The following SLC38A10 variants were observed in gnomAD, a reference collection of about 807,000 sequenced individuals.
SLC38A10 encodes solute carrier family 38 member 10.
In SLC38A10, 53 loss-of-function variants were observed where a neutral mutation model predicts 81.0. The observed-to-expected ratio is 0.65, with a 90% CI of 0.53 to 0.82. SLC38A10 has a LOEUF of 0.82. Among genes scored for constraint, SLC38A10 ranks in the 40% least tolerant of loss-of-function variants. The pLI is 0.00. For synonymous variants in SLC38A10, 665 were observed against 655.3 expected (o/e 1.01, Z -0.23); for missense variants, 1,471 against 1,545.0 (o/e 0.95, Z 0.80).
At chr17:81,280,162 T>C (rs1038049376) in intron 6 of SLC38A10, 2 of 454,364 alleles carry the variant, frequency 4.4e-6, no homozygotes, top group Non-Finnish European at 8.9e-6. Flanking sequence ...TACAGAGCCC[T>C]GCGTGCCAGA....
Position 81,283,476 on chromosome 17 carries a change from C to A in SLC38A10, c.290G>T (p.Cys97Phe). The A allele has an allele frequency of 1.2e-6, 2 of 1,611,530 alleles. No individual in the cohort carries two copies. Among genetic ancestry groups the A allele is most frequent in the Non-Finnish European group, 1.7e-6 (2 of 1,178,906 alleles). The change falls in exon 4 of 16, where the codon TGC becomes TTC. Residue 97 changes from cysteine to phenylalanine, a missense_variant. Physicochemically the swap from Cys to Phe is radical, Grantham distance 205. Transcript: ENST00000374759. This position sits in a 1 kb window ranked among gnomAD's most constrained non-coding sequence, Gnocchi z 4.7. ...GCCGATCACGACGTAGAAGGCGATG[C>A]AGGTGCCCAGCATCAGCCCGATCAT... ...TSMIGLMLGT[C>F]IAFYVVIGDL...
intron 10 of SLC38A10, chr17:81,263,953 C>G (rs998988039): frequency 2.0e-5 from 3 of 152,394 alleles, no homozygotes; most frequent in Non-Finnish European, 2.9e-5. Flanking sequence ...ACTGAAGTCC[C>G]CAAGGCAGCT....
intron 2 of SLC38A10, 168 bp from the exon 3 acceptor site, chr17:81,285,063 T>C (rs72850638): frequency 0.044 from 22,128 of 503,314 alleles, 644 homozygotes; most frequent in Non-Finnish European, 0.053. Context: ...TTTTTGGATC[T>C]ACTGTCTGCA....
At position 81,247,028 on chromosome 17, in the gene SLC38A10, A is replaced by G; in HGVS notation, c.2099T>C (p.Val700Ala). The change falls in exon 15 of 16, where the codon GTC becomes GCC. Residue 700 changes from valine to alanine, a missense_variant. By Grantham distance (64) the Val-to-Ala change is moderately conservative. Around this residue, in one of 2 missense-constraint regions of SLC38A10, gnomAD observed 751 missense variants for 717.4 expected, o/e 1.05. Transcript: ENST00000374759. ...AGRAEMLDHA[V>A]LLQVIKEQQV... The stretch of plus-strand genomic sequence containing the variant: ...CTGTTCTTTGATCACCTGAAGCAGG[A>G]CGGCGTGGTCCAGCATCTCCGCCCT... The G allele has an allele frequency of 6.3e-7, 1 of 1,599,422 alleles. No individual in the cohort carries two copies. Among genetic ancestry groups the G allele is most frequent in the Non-Finnish European group, 8.5e-7 (1 of 1,176,504 alleles).
In SLC38A10 at chr17:81,282,334, T is replaced by C. The variant is rs1567945679; in HGVS notation, c.358-2A>G. 1.2e-6 allele frequency: 2 copies of C among 1,607,680 alleles called. No homozygotes were observed. The highest frequency in any genetic ancestry group is 8.5e-7 in the Non-Finnish European group (1 of 1,177,418). ...GAACATGCGGAAGGTGCCGCCCACC[T>C]GCGGGGAGCCGGCAGGGGGTCTTGG... is the stretch of plus-strand genomic sequence containing the variant. On this transcript the variant is annotated splice_acceptor_variant, in intron 4 of 15. Transcript: ENST00000374759. LOFTEE classifies it high-confidence loss of function.
chr17:81,249,869 G>T (rs556542894), intron 14 of SLC38A10, among the ~76,000 whole-genome samples: 2 of 152,294 alleles, frequency 1.3e-5, no homozygotes, highest in South Asian at 2.1e-4. Flanking sequence ...CACGGCATTT[G>T]TAACACAAGG....
At chr17:81,272,335 G>A (rs764968753) in intron 9 of SLC38A10, among the ~76,000 whole-genome samples, 181 bp downstream of exon 9, 1 of 152,092 alleles carries the variant, frequency 6.6e-6, no homozygotes, top group Non-Finnish European at 1.5e-5. Context: ...CCTGGCTCAA[G>A]TTGCCAGATT....
Position 81,284,871 on chromosome 17 carries a change from C to A in SLC38A10, c.242G>T (p.Gly81Val). The change falls in exon 3 of 16, where the codon GGC becomes GTC. Residue 81 changes from glycine to valine, a missense_variant. Transcript: ENST00000374759. ...TTACCTGGTCTCCACCAGCATCTTG[C>A]CTGCCTTCCCGTAGGCGTGGAATGC... Reference protein sequence around the residue: ...GLAFHAYGKAGKMLVETSMIG... With the variant: ...GLAFHAYGKAVKMLVETSMIG... 2 of 1,545,042 alleles carry A rather than the reference C, an allele frequency of 1.3e-6. No individual in the cohort carries two copies. The highest frequency in any genetic ancestry group is 1.7e-6 in the Non-Finnish European group (2 of 1,143,936).
At chr17:81,294,026 G>A (rs930170332) in intron 1 of SLC38A10, among the ~76,000 whole-genome samples, 3 of 151,724 alleles carry the variant, frequency 2.0e-5, no homozygotes, top group Admixed American at 2.0e-4. Flanking sequence ...TTTTGTTTTT[G>A]TTTTTGAGAC....
chr17:81,278,339 G>A (rs931763976), intron 6 of SLC38A10, among the ~76,000 whole-genome samples: 6 of 152,212 alleles, frequency 3.9e-5, no homozygotes, highest in Non-Finnish European at 5.9e-5. Context: ...AGCTGTGATC[G>A]CATCACTGCA....
rs1271695475 is a variant in SLC38A10, at chr17:81,265,969, AG to A, written c.1131+4948del. 6.6e-6 allele frequency among the ~76,000 whole-genome samples: 1 copy of A among 152,234 alleles called. No individual in the cohort carries two copies. Among genetic ancestry groups the A allele is most frequent in the Non-Finnish European group, 1.5e-5 (1 of 68,044 alleles). On this transcript the variant is annotated intron_variant, in intron 10 of 15. Coordinates refer to ENST00000374759, the MANE Select transcript of SLC38A10 (RefSeq NM_001037984.3). This position sits in a 1 kb window ranked among gnomAD's most constrained non-coding sequence, Gnocchi z 4.2. ...TTCAGTGCGCTTTCTAGCTTCCAAA[AG>A]ACATGGCAAAGCAGGCACAGAGAGA...
intron 11 of SLC38A10, among the ~76,000 whole-genome samples, chr17:81,257,896 C>A (rs1017526577): frequency 6.6e-6 from 1 of 152,254 alleles, no homozygotes; most frequent in Non-Finnish European, 1.5e-5. Context: ...ACCGGGAGGA[C>A]AGGGGACCTG....
chr17:81,290,955 C>T (rs1014293427), intron 1 of SLC38A10, among the ~76,000 whole-genome samples: 1 of 151,700 alleles, frequency 6.6e-6, no homozygotes, highest in Non-Finnish European at 1.5e-5. Flanking sequence ...GCAGTTGAGC[C>T]GAGATTGCGC....
intron 6 of SLC38A10, chr17:81,279,948 G>A (rs1290211229): frequency 3.4e-6 from 1 of 297,842 alleles, no homozygotes; most frequent in South Asian, 2.9e-5. Flanking sequence ...ATTAGTTTAC[G>A]ATTGGCTCAA....
At chr17:81,256,171 C>T (rs1425546167) in intron 11 of SLC38A10, among the ~76,000 whole-genome samples, 1 of 152,262 alleles carries the variant, frequency 6.6e-6, no homozygotes, top group Non-Finnish European at 1.5e-5. Context: ...AACTCAGCCA[C>T]GGCGGAGGCG....
intron 1 of SLC38A10, 53 bp downstream of exon 1, chr17:81,294,770 G>T: frequency 2.0e-6 from 3 of 1,466,880 alleles, no homozygotes; most frequent in East Asian, 2.7e-5. Context: ...CCAGCCAGAC[G>T]CCCCCTCTGC....
In SLC38A10 at chr17:81,282,298, G is replaced by T. The variant is rs2063220611; in HGVS notation, c.392C>A (p.Ala131Asp). Reference protein sequence around the residue: ...GGTFRMFLLFAVSLCIVLPLS... With the variant: ...GGTFRMFLLFDVSLCIVLPLS... ...CGGGAGCACGATGCACAGCGACACGGCGAACAGCAGGAACATGCGGAAGGT... is the reference window on the plus strand; with the variant it reads ...CGGGAGCACGATGCACAGCGACACGTCGAACAGCAGGAACATGCGGAAGGT... The change falls in exon 5 of 16, where the codon GCC (alanine) becomes GAC (aspartate). Residue 131 changes from alanine to aspartate, a missense_variant. By Grantham distance (126) the Ala-to-Asp change is moderately radical. This residue lies in a region of SLC38A10 where 720 missense variants were observed against 827.7 expected (regional missense o/e 0.87). Transcript: ENST00000374759. The T allele has an allele frequency of 1.2e-6, 2 of 1,613,100 alleles. No individual in the cohort carries two copies. Among genetic ancestry groups the T allele is most frequent in the South Asian group, 2.2e-5 (2 of 91,082 alleles).
intron 10 of SLC38A10, among the ~76,000 whole-genome samples, chr17:81,269,760 G>A (rs2063098939): frequency 6.6e-6 from 1 of 152,038 alleles, no homozygotes. Context: ...GGAGGCGGGT[G>A]GATCACCTGA....
intron 8 of SLC38A10, 44 bp from the exon 9 acceptor site, chr17:81,272,671 T>C: frequency 1.5e-6 from 2 of 1,360,214 alleles, no homozygotes; most frequent in Non-Finnish European, 2.0e-6. Flanking sequence ...ACTGATTTCC[T>C]CCACCACTCT....
Sources: gnomAD v4.1 joint callset for allele counts (sites outside exome capture counted in the v4.1 genomes callset) on GRCh38, gnomAD v4.1.1 for gene constraint, gnomAD v4.1.1 regional missense constraint, Gnocchi (gnomAD v3.1) non-coding constraint, MANE v1.5 for transcripts, NCBI Gene and HGNC (gene_info 2026-07-23, HGNC 2026-07-21) for gene names.